The following DNAJC11 variants were observed in gnomAD, a reference collection of about 807,000 sequenced individuals.
DNAJC11 encodes dnaJ homolog subfamily C member 11.
In DNAJC11, 15 loss-of-function variants were observed where a neutral mutation model predicts 78.6. That is an observed-to-expected ratio of 0.19 (90% confidence interval 0.13 to 0.29). The LOEUF (loss-of-function observed/expected upper bound fraction) is 0.29. DNAJC11 is among the 10% of genes least tolerant of loss of function. The pLI, the probability that DNAJC11 is intolerant of heterozygous loss-of-function variation, is 1.00. For synonymous variants in DNAJC11, 292 were observed against 272.1 expected (o/e 1.07, Z -0.72); for missense variants, 547 against 709.6 (o/e 0.77, Z 2.60).
chr1:6,696,438 G>T (rs141605462), intron 1 of DNAJC11, among the ~76,000 whole-genome samples: 1 of 152,262 alleles, frequency 6.6e-6, no homozygotes, highest in African/African-American at 2.4e-5. Flanking sequence ...CCTTCTTTGT[G>T]GGTGACTTTG....
chr1:6,668,772 A>T (rs926604400), intron 3 of DNAJC11, among the ~76,000 whole-genome samples: 1 of 152,138 alleles, frequency 6.6e-6, no homozygotes, highest in Non-Finnish European at 1.5e-5. Flanking sequence ...TCTTCTTCTT[A>T]TAACAGTATA....
intron 4 of DNAJC11, 117 bp downstream of exon 4, chr1:6,667,592 C>T (rs1642312101): frequency 6.0e-6 from 5 of 832,280 alleles, no homozygotes; most frequent in Admixed American, 2.5e-5. Context: ...AATTTTGTCC[C>T]ACCAGCTTGT....
At chr1:6,685,966 T>C (rs1296314644) in intron 1 of DNAJC11, among the ~76,000 whole-genome samples, 1 of 152,248 alleles carries the variant, frequency 6.6e-6, no homozygotes, top group Non-Finnish European at 1.5e-5. Context: ...GTTCCTTGAC[T>C]GTGCTATCGT....
intron 1 of DNAJC11, among the ~76,000 whole-genome samples, chr1:6,693,836 T>A (rs977793735): frequency 7.0e-6 from 1 of 143,030 alleles, no homozygotes; most frequent in Non-Finnish European, 1.5e-5. Flanking sequence ...GTACCCCCAT[T>A]TTTTTTTTTT....
chr1:6,651,439 T>G, intron 7 of DNAJC11, 90 bp downstream of exon 7: 1 of 1,152,310 alleles, frequency 8.7e-7, no homozygotes, highest in South Asian at 1.3e-5. Context: ...GACAAGATAG[T>G]GCCAACCACT....
At position 6,634,308 on chromosome 1, in the gene DNAJC11, T is replaced by C; in HGVS notation, c.*1367A>G. 6 of 950,978 alleles carry C rather than the reference T, an allele frequency of 6.3e-6. No individual in the cohort carries two copies. In the South Asian group the frequency reaches 8.7e-5, roughly 14 times the overall value. The allele number at this position is 950,978 out of a possible 1,614,324, so 58.9% of individuals were successfully genotyped here. ...GGCCCAGGCTCATGCAACACGACGC[T>C]CACCGCGGCTCGGGCCGTGGGGCCG... is the stretch of plus-strand genomic sequence containing the variant. On this transcript the variant is annotated 3_prime_UTR_variant, in exon 16 of 16. Coordinates refer to ENST00000377577, the MANE Select transcript of DNAJC11 (RefSeq NM_018198.4).
chr1:6,701,204 C>T (rs1642921039), intron 1 of DNAJC11, among the ~76,000 whole-genome samples: 1 of 152,176 alleles, frequency 6.6e-6, no homozygotes, highest in Non-Finnish European at 1.5e-5. Flanking sequence ...GAGACGCATG[C>T]CTCTGAGGCT....
intron 14 of DNAJC11, among the ~76,000 whole-genome samples, chr1:6,636,951 CA>C (rs1641787719): frequency 6.6e-6 from 1 of 152,184 alleles, no homozygotes; most frequent in African/African-American, 2.4e-5. Context: ...TGGGCTCAAC[CA>C]ATCCTTCCGC....
intron 1 of DNAJC11, among the ~76,000 whole-genome samples, chr1:6,685,525 T>C (rs1046986128): frequency 1.3e-5 from 2 of 152,262 alleles, no homozygotes; most frequent in East Asian, 3.9e-4. Flanking sequence ...TTTTCCAAAA[T>C]CCACATCTTT....
Position 6,653,423 on chromosome 1 carries a change from GA to G in DNAJC11, c.508-473del, listed in dbSNP as rs532535155. Among the ~76,000 whole-genome samples, 8 of 152,272 alleles carry G rather than the reference GA, an allele frequency of 5.3e-5. No individual in the cohort carries two copies. In the South Asian group the frequency reaches 1.7e-3, roughly 32 times the overall value. ...GGAGAATAAATTAATGAGCTGAGGA[GA>G]CAAAGACCTACTATAAACGCTCAGG... On this transcript the variant is annotated intron_variant, in intron 5 of 15. Transcript: ENST00000377577. This position sits in a 1 kb window ranked among gnomAD's most constrained non-coding sequence, Gnocchi z 4.5.
rs1641714549 is a variant in DNAJC11 at position 6,634,445 on chromosome 1, TG to T, written c.*1229del. ...TTAGCCGTTACTCAGATACCAGTGC[TG>T]GGGAGGGAGGCCTGACTTCAGCAAC... On this transcript the variant is annotated 3_prime_UTR_variant, in exon 16 of 16. Coordinates refer to ENST00000377577, the MANE Select transcript of DNAJC11 (RefSeq NM_018198.4). 1.6e-6 allele frequency: 2 copies of T among 1,288,070 alleles called. No homozygotes were observed. The highest frequency in any genetic ancestry group is 2.0e-6 in the Non-Finnish European group (2 of 982,204). The allele number at this position is 1,288,070 out of a possible 1,614,324, so 79.8% of individuals were successfully genotyped here. A position where few individuals can be genotyped will look rare whatever the true frequency, so the allele number is the denominator to read the frequency against.
At chr1:6,671,831 TATTTTA>T (rs1642386314) in intron 3 of DNAJC11, among the ~76,000 whole-genome samples, 6 of 152,192 alleles carry the variant, frequency 3.9e-5, no homozygotes, top group Non-Finnish European at 1.5e-5. Flanking sequence ...TATTTTATTT[TATTTTA>T]ATATTTTATT....
chr1:6,678,990 C>T (rs1642513877), intron 2 of DNAJC11, among the ~76,000 whole-genome samples: 1 of 152,166 alleles, frequency 6.6e-6, no homozygotes, highest in Non-Finnish European at 1.5e-5. Context: ...TGAGAAAAGT[C>T]AGATTTTCCA....
chr1:6,700,029 G>A (rs1389627468), intron 1 of DNAJC11, among the ~76,000 whole-genome samples: 2 of 152,162 alleles, frequency 1.3e-5, no homozygotes, highest in African/African-American at 2.4e-5. Context: ...CAAAAGAAGT[G>A]AAAATAGCCA....
Position 6,645,659 on chromosome 1 carries a change from C to A in DNAJC11, c.894+130G>T. On this transcript the variant is annotated intron_variant, in intron 8 of 15. Coordinates refer to ENST00000377577, the MANE Select transcript of DNAJC11 (RefSeq NM_018198.4). This position sits in a 1 kb window ranked among gnomAD's most constrained non-coding sequence, Gnocchi z 4.1. ...TCGAGTGTGAGCACCGAGAGCCTGC[C>A]CCTCAGGGCCCTGTATGGGCTTAGA... 1 of 1,043,704 alleles carries A rather than the reference C, an allele frequency of 9.6e-7. No homozygotes were observed. The highest frequency in any genetic ancestry group is 1.4e-6 in the Non-Finnish European group (1 of 718,432). The allele number at this position is 1,043,704 out of a possible 1,614,324, so 64.7% of individuals were successfully genotyped here.
At chr1:6,687,807 G>A (rs1034766705) in intron 1 of DNAJC11, among the ~76,000 whole-genome samples, 2 of 152,140 alleles carry the variant, frequency 1.3e-5, no homozygotes, top group Admixed American at 6.5e-5. Flanking sequence ...CCCCAATGAT[G>A]TATTTGGAAT....
At chr1:6,637,016 T>C (rs1261090639) in intron 14 of DNAJC11, among the ~76,000 whole-genome samples, 182 bp downstream of exon 14, 4 of 152,130 alleles carry the variant, frequency 2.6e-5, no homozygotes, top group Non-Finnish European at 5.9e-5. Context: ...GCCCAGCTGA[T>C]TTTTTCTCTT....
rs573165573 is a variant in DNAJC11 at position 6,653,585 on chromosome 1, G to C, written c.507+326C>G. Among the ~76,000 whole-genome samples, 1 of 152,264 alleles carries C rather than the reference G, an allele frequency of 6.6e-6. No individual in the cohort carries two copies. The highest frequency in any genetic ancestry group is 6.5e-5 in the Admixed American group (1 of 15,290). On this transcript the variant is annotated intron_variant, in intron 5 of 15. Transcript: ENST00000377577. The surrounding 1 kb of genome is among the most constrained non-coding windows in gnomAD (Gnocchi z 4.5). ...GCCTTAAAACTAAAACTGGTTGTTAGAATGATCCATGGAGGTCTGCTTTCT... is the reference window on the plus strand; with the variant it reads ...GCCTTAAAACTAAAACTGGTTGTTACAATGATCCATGGAGGTCTGCTTTCT...
intron 7 of DNAJC11, among the ~76,000 whole-genome samples, 153 bp downstream of exon 7, chr1:6,651,376 C>T (rs1457048395): frequency 6.6e-6 from 1 of 152,252 alleles, no homozygotes; most frequent in Non-Finnish European, 1.5e-5. Context: ...ACTGCCTGGG[C>T]TTCACGCCAG....
Sources: gnomAD v4.1 joint callset for allele counts (sites outside exome capture counted in the v4.1 genomes callset) on GRCh38, gnomAD v4.1.1 for gene constraint, Gnocchi (gnomAD v3.1) non-coding constraint, MANE v1.5 for transcripts, NCBI Gene and HGNC (gene_info 2026-07-23, HGNC 2026-07-21) for gene names.